The following SOBP variants were observed in gnomAD, a reference collection of about 807,000 sequenced individuals.
The protein encoded by SOBP is sine oculis binding protein homolog, also known as sine oculis-binding protein homolog.
SOBP carries 4 observed loss-of-function variants against 53.6 expected under a neutral mutation model. The ratio of observed to expected loss-of-function variants is 0.07; its 90% confidence interval spans 0.04 to 0.17. The LOEUF (loss-of-function observed/expected upper bound fraction) is 0.17. Ranked by LOEUF, SOBP falls within the 10% of genes least tolerant of loss-of-function variation. SOBP has a pLI of 1.00. For missense variants in SOBP, 1,088 were observed against 1,204.7 expected, an observed-to-expected ratio of 0.90 and a Z score of 1.43; for synonymous variants, 584 against 522.6, an observed-to-expected ratio of 1.12 and a Z score of -1.60.
chr6:107,641,945 C>T (rs141929041), intron 6 of SOBP, among the ~76,000 whole-genome samples: 6 of 152,316 alleles, frequency 3.9e-5, no homozygotes, highest in Non-Finnish European at 5.9e-5. Flanking sequence ...CTTACCGTGT[C>T]CTGCACAACT....
At chr6:107,496,675 A>G (rs1782706377) in intron 1 of SOBP, among the ~76,000 whole-genome samples, 1 of 152,172 alleles carries the variant, frequency 6.6e-6, no homozygotes, top group Admixed American at 6.5e-5. Flanking sequence ...TCAGGTAAAA[A>G]CAGCAGGGTT....
intron 4 of SOBP, among the ~76,000 whole-genome samples, chr6:107,545,809 G>T (rs189140924): frequency 6.6e-6 from 1 of 152,144 alleles, no homozygotes; most frequent in Non-Finnish European, 1.5e-5. Context: ...CATAATGACA[G>T]TCATTTCCAA....
chr6:107,581,288 G>A (rs1212085351), intron 4 of SOBP, among the ~76,000 whole-genome samples: 1 of 152,208 alleles, frequency 6.6e-6, no homozygotes, highest in Non-Finnish European at 1.5e-5. Flanking sequence ...AAGGCTTAAA[G>A]GTCACATAAG....
intron 4 of SOBP, among the ~76,000 whole-genome samples, chr6:107,585,467 G>A (rs1313617897): frequency 9.2e-5 from 14 of 152,196 alleles, no homozygotes; most frequent in South Asian, 2.1e-4. Flanking sequence ...AAGTTGTTCC[G>A]ATGCAGTAAG....
At chr6:107,535,875 A>C (rs974941340) in intron 4 of SOBP, among the ~76,000 whole-genome samples, 3 of 152,160 alleles carry the variant, frequency 2.0e-5, no homozygotes. Flanking sequence ...AACTGCTTGT[A>C]ATAAGCCCCT....
chr6:107,599,637 C>G (rs1385592945), intron 5 of SOBP, among the ~76,000 whole-genome samples: 1 of 150,866 alleles, frequency 6.6e-6, no homozygotes, highest in Non-Finnish European at 1.5e-5. Flanking sequence ...TGCTAGCTCC[C>G]AAATTAAATT....
At chr6:107,532,298 T>A (rs1783855030) in intron 3 of SOBP, among the ~76,000 whole-genome samples, 1 of 149,446 alleles carries the variant, frequency 6.7e-6, no homozygotes, top group Admixed American at 6.7e-5. Flanking sequence ...ACAGTCACTA[T>A]CAATTGGGAG....
At chr6:107,500,165 G>A (rs1418889480) in intron 1 of SOBP, among the ~76,000 whole-genome samples, 1 of 152,056 alleles carries the variant, frequency 6.6e-6, no homozygotes, top group Non-Finnish European at 1.5e-5. Context: ...GCCGAAGCAG[G>A]TGGATCACTT....
chr6:107,602,718 T>C (rs1786231831), intron 5 of SOBP, among the ~76,000 whole-genome samples: 1 of 152,324 alleles, frequency 6.6e-6, no homozygotes, highest in South Asian at 2.1e-4. Flanking sequence ...TCCTGATTTA[T>C]GCTAAACCAG....
intron 5 of SOBP, among the ~76,000 whole-genome samples, chr6:107,592,409 C>T (rs550976754): frequency 6.6e-6 from 1 of 152,222 alleles, no homozygotes; most frequent in East Asian, 1.9e-4. Flanking sequence ...ATAACAAGAA[C>T]CCCTGAAAGG....
intron 6 of SOBP, among the ~76,000 whole-genome samples, chr6:107,652,327 C>T (rs1413054291): frequency 3.3e-5 from 5 of 152,174 alleles, no homozygotes; most frequent in Non-Finnish European, 7.3e-5. Flanking sequence ...TCGTGGATGA[C>T]TTTGAAGGGT....
At chr6:107,618,373 A>G (rs1342271058) in intron 5 of SOBP, among the ~76,000 whole-genome samples, 2 of 152,156 alleles carry the variant, frequency 1.3e-5, no homozygotes, top group Admixed American at 1.3e-4. Flanking sequence ...GTAGCTGATC[A>G]CCCATTCTCC....
At chr6:107,559,803 T>C (rs1784723006) in intron 4 of SOBP, among the ~76,000 whole-genome samples, 1 of 152,150 alleles carries the variant, frequency 6.6e-6, no homozygotes, top group South Asian at 2.1e-4. Context: ...GATTAGTTTC[T>C]TTAATACACA....
rs563372622 is a variant in SOBP, at chr6:107,568,831, C to T, written c.574-18249C>T. Among the ~76,000 whole-genome samples, 5 of 152,348 alleles carry T rather than the reference C, an allele frequency of 3.3e-5. No individual in the cohort carries two copies. In the South Asian group the frequency reaches 1.0e-3, roughly 32 times the overall value. On this transcript the variant is annotated intron_variant, in intron 4 of 6. Coordinates refer to ENST00000317357, the MANE Select transcript of SOBP (RefSeq NM_018013.4). The stretch of plus-strand genomic sequence containing the variant: ...TGAAACAAGAAGATGTTATCACTCT[C>T]AGCAGGCTGAAACAGACTGAGAGAA...
At chr6:107,500,527 AT>A (rs1287141699) in intron 1 of SOBP, among the ~76,000 whole-genome samples, 19 of 148,294 alleles carry the variant, frequency 1.3e-4, no homozygotes, top group Admixed American at 2.7e-4. Context: ...TTTAAAAAAA[AT>A]TTTTTTTTTT....
intron 4 of SOBP, among the ~76,000 whole-genome samples, chr6:107,562,399 T>G (rs1383516790): frequency 6.6e-6 from 1 of 152,200 alleles, no homozygotes; most frequent in East Asian, 1.9e-4. Context: ...AAAGTTTGTC[T>G]TTAGACCGTG....
rs367631449 is a variant in SOBP at position 107,601,599 on chromosome 6, G to T, written c.669+14424G>T. Among the ~76,000 whole-genome samples the T allele has an allele frequency of 1.6e-4, 24 of 152,296 alleles. No individual in the cohort carries two copies. The East Asian group carries it at 4.0e-3, about 26-fold the overall frequency. On this transcript the variant is annotated intron_variant, in intron 5 of 6. Transcript: ENST00000317357. The stretch of plus-strand genomic sequence containing the variant: ...TGCCCTGGCTGGTCCAGCAGGGCAG[G>T]CCAGTGCCTCCAGAGCCTCTCCGCC...
intron 4 of SOBP, among the ~76,000 whole-genome samples, chr6:107,584,099 T>G (rs2115056022): frequency 6.6e-6 from 1 of 152,200 alleles, no homozygotes; most frequent in East Asian, 1.9e-4. Flanking sequence ...GCCAAGGGCC[T>G]CCCCTTGATA....
chr6:107,579,203 TA>T (rs2115049224), intron 4 of SOBP, among the ~76,000 whole-genome samples: 1 of 152,218 alleles, frequency 6.6e-6, no homozygotes, highest in South Asian at 2.1e-4. Flanking sequence ...GGAGCCTGGA[TA>T]ATCCAGTGTC....
Sources: gnomAD v4.1 joint callset for allele counts (sites outside exome capture counted in the v4.1 genomes callset) on GRCh38, gnomAD v4.1.1 for gene constraint, MANE v1.5 for transcripts, NCBI Gene and HGNC (gene_info 2026-07-23, HGNC 2026-07-21) for gene names.